Variants in PSMA3 observed in about 807,000 individuals in gnomAD.
PSMA3 encodes proteasome 20S subunit alpha 3.
PSMA3 carries 8 observed loss-of-function variants against 40.0 expected under a neutral mutation model. The ratio of observed to expected loss-of-function variants is 0.20; its 90% CI spans 0.12 to 0.36. The LOEUF (loss-of-function observed/expected upper bound fraction) is 0.36, where lower values mean the gene tolerates loss of function less well. Ranked by LOEUF, PSMA3 falls within the 10% of genes least tolerant of loss-of-function variation. The pLI is 1.00. For synonymous variants in PSMA3, 110 were observed against 100.0 expected, an observed-to-expected ratio of 1.10 and a Z score of -0.59; for missense variants, 219 against 310.6, an observed-to-expected ratio of 0.70 and a Z score of 2.22.
intron 2 of PSMA3, among the ~76,000 whole-genome samples, chr14:58,250,997 TG>T (rs1181529297): frequency 1.3e-5 from 2 of 152,110 alleles, no homozygotes; most frequent in Non-Finnish European, 2.9e-5. Flanking sequence ...ACAGAGAAGT[TG>T]TGCCGGTAGT....
chr14:58,269,100 A>G (rs1198985322), intron 8 of PSMA3, among the ~76,000 whole-genome samples: 2 of 151,684 alleles, frequency 1.3e-5, no homozygotes, highest in Admixed American at 1.3e-4. Context: ...ACACCTGGCT[A>G]ATTTTTGTAT....
Position 58,247,776 on chromosome 14 carries a change from T to C in PSMA3, c.48T>C (p.Ser16=). The C allele has an allele frequency of 1.9e-6, 3 of 1,608,656 alleles. No individual in the cohort carries two copies. In the African/African-American group the frequency reaches 4.0e-5, roughly 21 times the overall value. ...ATGACCTGTCAGCCTCTACATTCTC[T>C]CCTGACGGAAGAGTTTTTCAAGTTG... ...TGYDLSASTF[S]PDGRVFQVEY... The change falls in exon 2 of 11, where the codon TCT becomes TCC. Residue 16 remains serine (S), a synonymous_variant. Transcript: ENST00000216455.
intron 3 of PSMA3, among the ~76,000 whole-genome samples, chr14:58,257,372 C>T (rs1363885607): frequency 6.6e-6 from 1 of 151,120 alleles, no homozygotes; most frequent in Admixed American, 6.6e-5. Flanking sequence ...GTGGCAGGCG[C>T]CTGTAGTCCC....
chr14:58,268,489 C>T (rs1317070263), intron 8 of PSMA3, among the ~76,000 whole-genome samples: 1 of 152,106 alleles, frequency 6.6e-6, no homozygotes, highest in East Asian at 1.9e-4. Flanking sequence ...CTCTTGCCAC[C>T]TCCTCCCCTC....
At chr14:58,261,715 C>A (rs1890286584) in intron 6 of PSMA3, among the ~76,000 whole-genome samples, 1 of 151,404 alleles carries the variant, frequency 6.6e-6, no homozygotes, top group African/African-American at 2.4e-5. Context: ...TCAGGCGATC[C>A]TCCTACCTAA....
At chr14:58,264,336 C>T (rs1391455018) in intron 7 of PSMA3, among the ~76,000 whole-genome samples, 3 of 152,134 alleles carry the variant, frequency 2.0e-5, no homozygotes, top group African/African-American at 7.2e-5. Context: ...TAGCTTTGCT[C>T]CTAGCCAGGT....
intron 3 of PSMA3, 151 bp from the exon 4 acceptor site, chr14:58,257,594 C>T (rs2140086760): frequency 1.7e-6 from 1 of 592,934 alleles, no homozygotes; most frequent in East Asian, 2.8e-5. Flanking sequence ...ACTCAAGCAT[C>T]AAAATGCCTT....
Position 58,244,961 on chromosome 14 carries a change from G to T in PSMA3, c.21+20G>T. On this transcript the variant is annotated intron_variant, in intron 1 of 10. Transcript: ENST00000216455. ...ACTGGGGTGAGTTCGCTGTCTGTCG[G>T]TGTAATAGTTTAACCTAAGGATTGG... 1 of 1,614,200 alleles carries T rather than the reference G, an allele frequency of 6.2e-7. No homozygotes were observed. The highest frequency in any genetic ancestry group is 8.5e-7 in the Non-Finnish European group (1 of 1,180,004).
At chr14:58,253,464 C>T (rs1890060261) in intron 3 of PSMA3, among the ~76,000 whole-genome samples, 1 of 152,188 alleles carries the variant, frequency 6.6e-6, no homozygotes, top group African/African-American at 2.4e-5. Flanking sequence ...ATGTTACACA[C>T]AAACACAAAA....
At chr14:58,247,378 G>A (rs1017207753) in intron 1 of PSMA3, among the ~76,000 whole-genome samples, 3 of 152,162 alleles carry the variant, frequency 2.0e-5, no homozygotes, top group African/African-American at 4.8e-5. Flanking sequence ...GGTGAATGCC[G>A]AATGATTTGT....
chr14:58,271,783 A>C (rs1240187347), intron 10 of PSMA3, 68 bp from the exon 11 acceptor site: 2 of 1,127,006 alleles, frequency 1.8e-6, no homozygotes, highest in Non-Finnish European at 2.7e-6. Flanking sequence ...TTGTAGCTTA[A>C]CTTGCCCACA....
chr14:58,245,087 G>T, intron 1 of PSMA3, 146 bp downstream of exon 1: 1 of 1,028,496 alleles, frequency 9.7e-7, no homozygotes, highest in Admixed American at 1.8e-5. Context: ...TTGGAGACCG[G>T]TCGTCTTTAT....
intron 8 of PSMA3, chr14:58,267,925 T>C (rs1890494503): frequency 6.5e-6 from 1 of 153,168 alleles, no homozygotes; most frequent in Non-Finnish European, 1.5e-5. Context: ...CTGGCTCATT[T>C]ATATAATCTG....
intron 10 of PSMA3, 57 bp from the exon 11 acceptor site, chr14:58,271,794 G>A: frequency 7.9e-7 from 1 of 1,263,994 alleles, no homozygotes; most frequent in Non-Finnish European, 1.1e-6. Flanking sequence ...CTTGCCCACA[G>A]GTGTGGGATA....
At position 58,257,606 on chromosome 14, in the gene PSMA3, T is replaced by C. The variant is rs1244747529; in HGVS notation, c.229-139T>C. On this transcript the variant is annotated intron_variant, in intron 3 of 10. Coordinates refer to ENST00000216455, the MANE Select transcript of PSMA3 (RefSeq NM_002788.4). Reference sequence around the variant, plus strand: ...CATACTCAAGCATCAAAATGCCTTGTAGAGAGACCTTTAAGCCAAAAAAGT... The same window carrying C: ...CATACTCAAGCATCAAAATGCCTTGCAGAGAGACCTTTAAGCCAAAAAAGT... 3 of 638,138 alleles carry C rather than the reference T, an allele frequency of 4.7e-6. No individual in the cohort carries two copies. The African/African-American group carries it at 5.5e-5, about 12-fold the overall frequency. The allele number at this position is 638,138 out of a possible 1,614,324, so 39.5% of individuals were successfully genotyped here.
chr14:58,249,783 G>C (rs556424464), intron 2 of PSMA3, among the ~76,000 whole-genome samples: 6 of 152,274 alleles, frequency 3.9e-5, no homozygotes, highest in African/African-American at 1.4e-4. Flanking sequence ...TGGTATTATA[G>C]GTGTGAGCCA....
At chr14:58,255,474 AT>A (rs1439275606) in intron 3 of PSMA3, among the ~76,000 whole-genome samples, 1 of 152,184 alleles carries the variant, frequency 6.6e-6, no homozygotes, top group African/African-American at 2.4e-5. Context: ...CAAACTTAGA[AT>A]GTGCCACACT....
intron 10 of PSMA3, 110 bp downstream of exon 10, chr14:58,271,108 A>T (rs562463314): frequency 5.2e-5 from 12 of 232,410 alleles, no homozygotes; most frequent in South Asian, 1.3e-4. Flanking sequence ...TCCCTAATTT[A>T]AAAAAAAAAA....
At position 58,260,967 on chromosome 14, in the gene PSMA3, A is replaced by G; in HGVS notation, c.424A>G (p.Ser142Gly). ...FGCSFMLGSY[S>G]VNDGAQLYMI... ...ATGCAGTTTCATGTTAGGGTCTTAC[A>G]GTGTGAATGACGGTGCGCAACTCTA... The change falls in exon 6 of 11, where the codon AGT becomes GGT. Residue 142 changes from serine to glycine, a missense_variant. Transcript: ENST00000216455. 6.2e-7 allele frequency: 1 copy of G among 1,612,570 alleles called. No individual in the cohort carries two copies. The highest frequency in any genetic ancestry group is 8.5e-7 in the Non-Finnish European group (1 of 1,178,840).
Sources: allele counts gnomAD v4.1 joint callset (sites outside exome capture counted in the v4.1 genomes callset), GRCh38; gene constraint gnomAD v4.1.1; transcripts MANE v1.5; gene names NCBI Gene and HGNC (gene_info 2026-07-23, HGNC 2026-07-21).